The following PIAS1 variants were observed in gnomAD, a reference collection of about 807,000 sequenced individuals.
PIAS1 encodes the protein E3 SUMO-protein ligase PIAS1.
A neutral mutation model predicts 71.3 loss-of-function variants in PIAS1; 6 were observed. The observed-to-expected ratio is 0.08, with a 90% confidence interval of 0.05 to 0.17. PIAS1 has a LOEUF of 0.17. Among genes scored for constraint, PIAS1 ranks in the 10% least tolerant of loss-of-function variants. The pLI is 1.00. For synonymous variants in PIAS1, 303 were observed against 292.9 expected (o/e 1.03, Z -0.35); for missense variants, 555 against 793.6 (o/e 0.70, Z 3.61).
At position 68,190,000 on chromosome 15, in the gene PIAS1, AAT is replaced by A. The variant is rs1310101594; in HGVS notation, c.*2167_*2168del. The A allele has an allele frequency of 1.3e-5, 2 of 152,222 alleles. No individual in the cohort carries two copies. The highest frequency in any genetic ancestry group is 3.8e-4 in the East Asian group (2 of 5,202). 9.4% of individuals were successfully genotyped at this position (152,222 alleles called of 1,614,324 possible). A position where few individuals can be genotyped will look rare whatever the true frequency, so the allele number is the denominator to read the frequency against. ...TAATTCAGCTGTCTTAGGTAAAATG[AAT>A]AGTTTTCTTCCTGTTTTTTTATGTG... On this transcript the variant is annotated 3_prime_UTR_variant, in exon 14 of 14. Coordinates refer to ENST00000249636, the MANE Select transcript of PIAS1 (RefSeq NM_016166.3).
chr15:68,093,196 C>A (rs2092346712), intron 2 of PIAS1, among the ~76,000 whole-genome samples: 1 of 152,190 alleles, frequency 6.6e-6, no homozygotes. Context: ...TTTATCAGGT[C>A]TTTCCCAGAG....
At chr15:68,105,578 A>G (rs904999737) in intron 2 of PIAS1, among the ~76,000 whole-genome samples, 24 of 152,308 alleles carry the variant, frequency 1.6e-4, no homozygotes, top group African/African-American at 5.5e-4. Context: ...CTAAGTCTGC[A>G]GCTTCCTTTC....
intron 2 of PIAS1, among the ~76,000 whole-genome samples, chr15:68,128,962 ACAG>A (rs1419676957): frequency 2.0e-5 from 3 of 152,220 alleles, no homozygotes; most frequent in Non-Finnish European, 2.9e-5. Context: ...ACATGGATAA[ACAG>A]CAGTAATCAG....
chr15:68,183,945 T>G, intron 13 of PIAS1: 1 of 225,872 alleles, frequency 4.4e-6, no homozygotes, highest in Non-Finnish European at 8.6e-6. Flanking sequence ...TAAACAACTC[T>G]GTTACTGGTT....
intron 1 of PIAS1, among the ~76,000 whole-genome samples, chr15:68,073,403 T>C (rs996413859): frequency 3.9e-5 from 6 of 152,242 alleles, no homozygotes; most frequent in Admixed American, 1.3e-4. Context: ...TACTCATATT[T>C]ATTAATGATG....
chr15:68,066,916 G>T (rs1156695326), intron 1 of PIAS1, among the ~76,000 whole-genome samples: 3 of 152,138 alleles, frequency 2.0e-5, no homozygotes, highest in African/African-American at 7.2e-5. Context: ...GAGATTAATG[G>T]TCTTCTAAGT....
intron 1 of PIAS1, among the ~76,000 whole-genome samples, chr15:68,084,669 G>A (rs939821301): frequency 6.6e-6 from 1 of 151,958 alleles, no homozygotes. Flanking sequence ...TTATTTGTTC[G>A]TTCATTCATT....
At chr15:68,124,595 C>A (rs2092637023) in intron 2 of PIAS1, among the ~76,000 whole-genome samples, 1 of 152,002 alleles carries the variant, frequency 6.6e-6, no homozygotes, top group South Asian at 2.1e-4. Flanking sequence ...GTGGTGCATG[C>A]CTGTAATCCC....
intron 11 of PIAS1, among the ~76,000 whole-genome samples, chr15:68,179,582 T>TTTTTTTTTTTTTTTTTTTTTTTTTTTTC (rs2093040985): frequency 8.2e-6 from 1 of 121,812 alleles, no homozygotes; most frequent in Non-Finnish European, 1.7e-5. Context: ...TTTTTTTTTT[T>TTTTTTTTTTTTTTTTTTTTTTTTTTTTC]TTTTTTTTTT....
At position 68,178,269 on chromosome 15, in the gene PIAS1, C is replaced by CAA. The variant is rs199993365; in HGVS notation, c.1481+1623_1481+1624dup. ...TGGGTGACAGAATGAGACCCCATCT[C>CAA]AAAAAAAAATAAGATTTCAGTCAAA... On this transcript the variant is annotated intron_variant, in intron 11 of 13. Transcript: ENST00000249636. The surrounding 1 kb of genome is among the most constrained non-coding windows in gnomAD (Gnocchi z 4.2). 6.7e-6 allele frequency among the ~76,000 whole-genome samples: 1 copy of CAA among 148,554 alleles called. No homozygotes were observed. Among genetic ancestry groups the CAA allele is most frequent in the Non-Finnish European group, 1.5e-5 (1 of 67,052 alleles).
In PIAS1 at chr15:68,117,252, T is replaced by A. The variant is rs551990984; in HGVS notation, c.470-24694T>A. ...ACAGGTGTGCGCCACCACACCTGGC[T>A]AATTTGTATTTTTAGTAGAGTTGGG... On this transcript the variant is annotated intron_variant, in intron 2 of 13. Coordinates refer to ENST00000249636, the MANE Select transcript of PIAS1 (RefSeq NM_016166.3). Among the ~76,000 whole-genome samples, 6 of 152,176 alleles carry A rather than the reference T, an allele frequency of 3.9e-5. No individual in the cohort carries two copies. In the East Asian group the frequency reaches 5.8e-4, roughly 15 times the overall value.
rs1332955744 is a variant in PIAS1 at position 68,192,945 on chromosome 15, T to G, written c.*5110T>G. ...AGATTTGACAAGTGTATGGCACCTC[T>G]GAATCTCTGGCAGCACCAACCTGGC... On this transcript the variant is annotated 3_prime_UTR_variant, in exon 14 of 14. Coordinates refer to ENST00000249636, the MANE Select transcript of PIAS1 (RefSeq NM_016166.3). The G allele has an allele frequency of 6.6e-6, 1 of 152,230 alleles. No individual in the cohort carries two copies. Among genetic ancestry groups the G allele is most frequent in the African/African-American group, 2.4e-5 (1 of 41,444 alleles). 9.4% of individuals were successfully genotyped at this position (152,230 alleles called of 1,614,324 possible).
In PIAS1 at chr15:68,153,513, C is replaced by T. The variant is rs540095833; in HGVS notation, c.829-77C>T. The T allele has an allele frequency of 6.0e-6, 4 of 666,302 alleles. No homozygotes were observed. In the South Asian group the frequency reaches 7.5e-5, roughly 13 times the overall value. 41.3% of individuals were successfully genotyped at this position (666,302 alleles called of 1,614,324 possible). On this transcript the variant is annotated intron_variant, in intron 6 of 13. Transcript: ENST00000249636. ...TTTTAAGAAGTGTTAGTTTTCTTTC[C>T]CTATCATGGTGAGATTAAAATAGAT...
intron 6 of PIAS1, among the ~76,000 whole-genome samples, chr15:68,151,683 A>AACACACACACACACACACACACAC (rs754171390): frequency 3.7e-5 from 5 of 134,860 alleles, no homozygotes; most frequent in African/African-American, 1.4e-4. Context: ...AAAAAAACAA[A>AACACACACACACACACACACACAC]ACACACACAC....
chr15:68,128,666 C>T (rs2092669307), intron 2 of PIAS1, among the ~76,000 whole-genome samples: 1 of 151,968 alleles, frequency 6.6e-6, no homozygotes, highest in Non-Finnish European at 1.5e-5. Flanking sequence ...TTAAAACATT[C>T]CAGATTCTGC....
intron 7 of PIAS1, among the ~76,000 whole-genome samples, chr15:68,158,747 A>C (rs776409865): frequency 3.3e-5 from 5 of 152,266 alleles, no homozygotes; most frequent in African/African-American, 4.8e-5. Context: ...TCGGCCTTAA[A>C]ATTTTAAAAG....
intron 2 of PIAS1, among the ~76,000 whole-genome samples, chr15:68,110,882 G>T (rs2092518172): frequency 6.6e-6 from 1 of 152,108 alleles, no homozygotes; most frequent in South Asian, 2.1e-4. Flanking sequence ...TGTTTTTATT[G>T]CAAGAAAGCA....
chr15:68,080,353 C>T lies in PIAS1; in HGVS notation c.25-5953C>T, dbSNP rs373103870. Among the ~76,000 whole-genome samples, 5 of 152,236 alleles carry T rather than the reference C, an allele frequency of 3.3e-5. No homozygotes were observed. In the East Asian group the frequency reaches 9.6e-4, roughly 29 times the overall value. On this transcript the variant is annotated intron_variant, in intron 1 of 13. Coordinates refer to ENST00000249636, the MANE Select transcript of PIAS1 (RefSeq NM_016166.3). Reference sequence around the variant, plus strand: ...AATATTTTGTCATTTTGTGGGACCTCAATGCAGTCAATAAGATGGACCTGG... The same window carrying T: ...AATATTTTGTCATTTTGTGGGACCTTAATGCAGTCAATAAGATGGACCTGG...
rs534049317 is a variant in PIAS1, at chr15:68,059,993, A to G, written c.24+5643A>G. On this transcript the variant is annotated intron_variant, in intron 1 of 13. Transcript: ENST00000249636. ...TTGGTTTGTTCATTGTCATACCTTT[A>G]TTGTTTATGTTTCTGTAATATGTGA... Among the ~76,000 whole-genome samples, 196 of 152,166 alleles carry G rather than the reference A, an allele frequency of 1.3e-3. 2 individuals carry two copies. Among genetic ancestry groups the G allele is most frequent in the African/African-American group, 4.4e-3 (184 of 41,546 alleles).
Sources: gnomAD v4.1 joint callset for allele counts (sites outside exome capture counted in the v4.1 genomes callset) on GRCh38, gnomAD v4.1.1 for gene constraint, Gnocchi (gnomAD v3.1) non-coding constraint, MANE v1.5 for transcripts, NCBI Gene and HGNC (gene_info 2026-07-23, HGNC 2026-07-21) for gene names.